ATAD5: variants seen among roughly 807,000 people sequenced by gnomAD.
ATAD5 encodes the protein ATPase family AAA domain-containing protein 5.
In ATAD5, 58 loss-of-function variants were observed where a neutral mutation model predicts 176.9. The observed-to-expected ratio is 0.33, with a 90% CI of 0.27 to 0.41. ATAD5 has a LOEUF of 0.41. Among genes scored for constraint, ATAD5 ranks in the 10% least tolerant of loss-of-function variants. The pLI, the probability that ATAD5 is intolerant of heterozygous loss-of-function variation, is 1.00. For synonymous variants in ATAD5, 640 were observed against 712.6 expected (o/e 0.90, Z 1.62); for missense variants, 1,789 against 2,094.1 (o/e 0.85, Z 2.84).
chr17:30,850,833 T>TATA (rs1906849991), intron 6 of ATAD5, among the ~76,000 whole-genome samples: 580 of 27,750 alleles, frequency 0.021, 38 homozygotes, highest in Middle Eastern at 0.045. Flanking sequence ...TTATATATTT[T>TATA]TATATATATA....
chr17:30,838,899 A>G (rs978447882), intron 3 of ATAD5, among the ~76,000 whole-genome samples: 13 of 152,202 alleles, frequency 8.5e-5, no homozygotes, highest in Non-Finnish European at 1.5e-4. Context: ...CTTGTTGTTC[A>G]CTGAAGACTT....
At chr17:30,853,945 C>A (rs1447111128) in intron 6 of ATAD5, among the ~76,000 whole-genome samples, 1 of 149,268 alleles carries the variant, frequency 6.7e-6, no homozygotes, top group East Asian at 2.0e-4. Flanking sequence ...AGCAAGAAAA[C>A]AAAAGACAAG....
intron 20 of ATAD5, 129 bp downstream of exon 20, chr17:30,892,917 T>A: frequency 1.3e-6 from 1 of 777,478 alleles, no homozygotes. Context: ...CTTAGGTCTC[T>A]GATTTTAACA....
At chr17:30,862,277 T>C (rs1026892887) in intron 10 of ATAD5, among the ~76,000 whole-genome samples, 19 of 150,118 alleles carry the variant, frequency 1.3e-4, no homozygotes, top group Admixed American at 8.0e-4. Context: ...GAGGCTGCAG[T>C]GAGCCAAGAT....
At chr17:30,848,962 C>T (rs951677163) in intron 6 of ATAD5, among the ~76,000 whole-genome samples, 17 of 152,172 alleles carry the variant, frequency 1.1e-4, no homozygotes, top group African/African-American at 4.1e-4. Context: ...TCTCCGCCTT[C>T]CGGGTTCAAG....
At chr17:30,874,143 C>T (rs764416827) in intron 14 of ATAD5, among the ~76,000 whole-genome samples, 71 of 147,076 alleles carry the variant, frequency 4.8e-4, no homozygotes, top group African/African-American at 1.7e-3. Flanking sequence ...CCAGCCTGGG[C>T]GACAGTGTGA....
intron 18 of ATAD5, among the ~76,000 whole-genome samples, chr17:30,883,029 T>C (rs1475966983): frequency 2.0e-5 from 3 of 152,164 alleles, no homozygotes; most frequent in Non-Finnish European, 2.9e-5. Flanking sequence ...AATTGTATAG[T>C]ATATGAATTA....
chr17:30,842,371 C>T (rs1271847418), intron 4 of ATAD5, among the ~76,000 whole-genome samples: 1 of 151,948 alleles, frequency 6.6e-6, no homozygotes, highest in South Asian at 2.1e-4. Flanking sequence ...TATTTTCTTT[C>T]CTGATATGTA....
chr17:30,861,183 G>GGTGATCC (rs1394349769), intron 10 of ATAD5, among the ~76,000 whole-genome samples: 1 of 150,928 alleles, frequency 6.6e-6, no homozygotes, highest in African/African-American at 2.4e-5. Context: ...CCTGACCTCA[G>GGTGATCC]GTGATCCACC....
At chr17:30,884,993 C>T (rs1475868879) in intron 18 of ATAD5, among the ~76,000 whole-genome samples, 5 of 152,028 alleles carry the variant, frequency 3.3e-5, no homozygotes, top group South Asian at 2.1e-4. Flanking sequence ...GTGATCCACC[C>T]GCCTTTGCCT....
At chr17:30,861,585 C>T (rs971935887) in intron 10 of ATAD5, among the ~76,000 whole-genome samples, 35 of 152,132 alleles carry the variant, frequency 2.3e-4, no homozygotes, top group Admixed American at 1.7e-3. Flanking sequence ...GATCTCAGCT[C>T]ACTGCAACCT....
At chr17:30,890,426 T>TC (rs956795620) in intron 19 of ATAD5, among the ~76,000 whole-genome samples, 22 of 144,552 alleles carry the variant, frequency 1.5e-4, no homozygotes, top group Admixed American at 5.5e-4. Flanking sequence ...TTCTTTTTTT[T>TC]TTTTTTTTTT....
Position 30,844,053 on chromosome 17 carries a change from A to C in ATAD5, c.2368+14A>C. ...AAAATGTACCTGGTAATCAGAGTTA[A>C]TAATATTTATGATGTATATTAGAAT... is the stretch of plus-strand genomic sequence containing the variant. On this transcript the variant is annotated intron_variant, in intron 5 of 22. Coordinates refer to ENST00000321990, the MANE Select transcript of ATAD5 (RefSeq NM_024857.5). 2 of 1,513,088 alleles carry C rather than the reference A, an allele frequency of 1.3e-6. No homozygotes were observed. Among genetic ancestry groups the C allele is most frequent in the Non-Finnish European group, 1.8e-6 (2 of 1,128,738 alleles). 93.7% of individuals were successfully genotyped at this position (1,513,088 alleles called of 1,614,324 possible).
At position 30,832,305 on chromosome 17, in the gene ATAD5, C is replaced by G; in HGVS notation, c.-43C>G. On this transcript the variant is annotated 5_prime_UTR_variant, in exon 1 of 23. Coordinates refer to ENST00000321990, the MANE Select transcript of ATAD5 (RefSeq NM_024857.5). ...TGGCCTCCAGGCAGGCCGGGCTGGA[C>G]CGCGTGAGGTCCTAGGAGACGGGAT... is the stretch of plus-strand genomic sequence containing the variant. 6.8e-7 allele frequency: 1 copy of G among 1,480,008 alleles called. No individual in the cohort carries two copies. The highest frequency in any genetic ancestry group is 9.0e-7 in the Non-Finnish European group (1 of 1,107,318). 91.7% of individuals were successfully genotyped at this position (1,480,008 alleles called of 1,614,324 possible). A position where few individuals can be genotyped will look rare whatever the true frequency, so the allele number is the denominator to read the frequency against.
At position 30,831,984 on chromosome 17, in the gene ATAD5, A is replaced by T. The variant is rs1050491177; in HGVS notation, c.-364A>T. ...GCCCCTTGCGCGCAGGACGGCGCGA[A>T]AACCCAATTGACAAGAATTCCCTCC... On this transcript the variant is annotated 5_prime_UTR_variant, in exon 1 of 23. Coordinates refer to ENST00000321990, the MANE Select transcript of ATAD5 (RefSeq NM_024857.5). 6 of 327,100 alleles carry T rather than the reference A, an allele frequency of 1.8e-5. No homozygotes were observed. The highest frequency in any genetic ancestry group is 2.8e-5 in the Non-Finnish European group (5 of 181,044). 20.3% of individuals were successfully genotyped at this position (327,100 alleles called of 1,614,324 possible).
chr17:30,865,149 A>C (rs568101172), intron 10 of ATAD5, among the ~76,000 whole-genome samples: 143 of 150,536 alleles, frequency 9.5e-4, no homozygotes, highest in Non-Finnish European at 1.7e-3. Flanking sequence ...AAAAAAAAAA[A>C]CCAATGTTTA....
Position 30,855,225 on chromosome 17 carries a change from T to A in ATAD5, c.2533T>A (p.Leu845Met). ...RDFLMSGLPD[L>M]LKRQIAKKAA... ...CTTCCTAATGAGTGGTTTGCCAGAT[T>A]TGTTGAAACGGCAAATTGCAAAGAA... is the stretch of plus-strand genomic sequence containing the variant. The change falls in exon 7 of 23, where the codon TTG (leucine) becomes ATG (methionine). Residue 845 changes from leucine to methionine, a missense_variant. Physicochemically the swap from Leu to Met is conservative, Grantham distance 15 (BLOSUM62 2). Around this residue, in one of 6 missense-constraint regions of ATAD5, gnomAD observed 487 missense variants for 573.6 expected, o/e 0.85. Coordinates refer to ENST00000321990, the MANE Select transcript of ATAD5 (RefSeq NM_024857.5). 6.2e-7 allele frequency: 1 copy of A among 1,614,114 alleles called. No homozygotes were observed. The highest frequency in any genetic ancestry group is 2.2e-5 in the East Asian group (1 of 44,882).
chr17:30,835,787 T>C lies in ATAD5; in HGVS notation c.1706T>C (p.Val569Ala). 2 of 1,613,466 alleles carry C rather than the reference T, an allele frequency of 1.2e-6. No individual in the cohort carries two copies. Among genetic ancestry groups the C allele is most frequent in the Middle Eastern group, 1.7e-4 (1 of 6,056 alleles). The change falls in exon 2 of 23, where the codon GTT (valine) becomes GCT (alanine). Residue 569 changes from valine to alanine, a missense_variant. This residue lies in a region of ATAD5 where 696 missense variants were observed against 712.5 expected (regional missense o/e 0.98). Coordinates refer to ENST00000321990, the MANE Select transcript of ATAD5 (RefSeq NM_024857.5). Reference protein sequence around the residue: ...NKLSRKTSIPVKDIKLTQSKA... With the variant: ...NKLSRKTSIPAKDIKLTQSKA... ...TTGTCAAGAAAAACCAGCATACCAG[T>C]TAAAGATATTAAGCTTACACAGTCT... is the stretch of plus-strand genomic sequence containing the variant.
At chr17:30,847,716 C>CTTTT (rs1567682169) in intron 6 of ATAD5, among the ~76,000 whole-genome samples, 1 of 139,316 alleles carries the variant, frequency 7.2e-6, no homozygotes, top group African/African-American at 2.7e-5. Flanking sequence ...CTGCTATGAA[C>CTTTT]ATTTTTTTTT....
Sources: gnomAD v4.1 joint callset for allele counts (sites outside exome capture counted in the v4.1 genomes callset) on GRCh38, gnomAD v4.1.1 for gene constraint, gnomAD v4.1.1 regional missense constraint, MANE v1.5 for transcripts, NCBI Gene and HGNC (gene_info 2026-07-23, HGNC 2026-07-21) for gene names.